The following GRIN2A variants were observed in gnomAD, a reference collection of about 807,000 sequenced individuals.
The protein encoded by GRIN2A is glutamate receptor ionotropic, NMDA 2A.
In GRIN2A, 22 loss-of-function variants were observed where a neutral mutation model predicts 113.4. The ratio of observed to expected loss-of-function variants is 0.19; its 90% CI spans 0.14 to 0.28. The LOEUF is 0.28. Among genes scored for constraint, GRIN2A ranks in the 10% least tolerant of loss-of-function variants. GRIN2A has a pLI of 1.00. For missense variants in GRIN2A, 1,502 were observed against 1,887.0 expected, an observed-to-expected ratio of 0.80 and a Z score of 3.78; for synonymous variants, 827 against 738.4, an observed-to-expected ratio of 1.12 and a Z score of -1.94.
chr16:10,084,999 T>C (rs961462648), intron 2 of GRIN2A, among the ~76,000 whole-genome samples: 4 of 152,218 alleles, frequency 2.6e-5, no homozygotes, highest in African/African-American at 9.6e-5. Context: ...GCCTTATGTA[T>C]ATTAACTCAT....
chr16:9,953,945 C>A (rs1461252862), intron 2 of GRIN2A, among the ~76,000 whole-genome samples: 2 of 152,068 alleles, frequency 1.3e-5, no homozygotes, highest in Non-Finnish European at 2.9e-5. Flanking sequence ...CCAACTGCCC[C>A]ATGCTTCTTC....
intron 2 of GRIN2A, among the ~76,000 whole-genome samples, chr16:10,157,646 T>C (rs998451339): frequency 3.3e-5 from 5 of 151,714 alleles, no homozygotes; most frequent in Admixed American, 2.0e-4. Flanking sequence ...TATAAAACTA[T>C]CAGATCTCAT....
chr16:9,913,537 G>T (rs1344668612), intron 3 of GRIN2A, among the ~76,000 whole-genome samples: 5 of 152,028 alleles, frequency 3.3e-5, no homozygotes, highest in African/African-American at 1.2e-4. Flanking sequence ...TTAAATTGAG[G>T]GTCCAACATC....
chr16:9,998,535 A>C (rs142600044), intron 2 of GRIN2A, among the ~76,000 whole-genome samples: 101 of 152,342 alleles, frequency 6.6e-4, no homozygotes, highest in African/African-American at 2.2e-3. Flanking sequence ...AAAATGGTTA[A>C]AATAGTAAAC....
Position 10,008,215 on chromosome 16 carries a change from C to T in GRIN2A, c.415-69664G>A, listed in dbSNP as rs74963073. Among the ~76,000 whole-genome samples the T allele has an allele frequency of 8.1e-3, 1,230 of 152,250 alleles. 11 individuals carry two copies. Among genetic ancestry groups the T allele is most frequent in the Non-Finnish European group, 0.013 (881 of 68,010 alleles). ...TCATGATCTTATGACAGTGCCTTCC[C>T]CAATCCCCTTATTTGGATATCCCAT... is the stretch of plus-strand genomic sequence containing the variant. On this transcript the variant is annotated intron_variant, in intron 2 of 12. Transcript: ENST00000330684.
At chr16:10,017,860 G>C (rs957600737) in intron 2 of GRIN2A, among the ~76,000 whole-genome samples, 3 of 151,992 alleles carry the variant, frequency 2.0e-5, no homozygotes, top group Non-Finnish European at 4.4e-5. Flanking sequence ...ATAAAGACAA[G>C]ATCCGACTGT....
chr16:9,772,958 T>C (rs564825405), intron 11 of GRIN2A, among the ~76,000 whole-genome samples: 1 of 150,174 alleles, frequency 6.7e-6, no homozygotes, highest in East Asian at 1.9e-4. Flanking sequence ...AAATGCACAT[T>C]TCTCATTACC....
At chr16:9,843,753 G>A (rs1049450614) in intron 5 of GRIN2A, among the ~76,000 whole-genome samples, 1 of 152,164 alleles carries the variant, frequency 6.6e-6, no homozygotes, top group Non-Finnish European at 1.5e-5. Context: ...GGTAGTAGGA[G>A]GCCACATCTG....
chr16:10,087,914 C>T (rs917640081), intron 2 of GRIN2A, among the ~76,000 whole-genome samples: 214 of 15,770 alleles, frequency 0.014, no homozygotes, highest in Admixed American at 0.07. Flanking sequence ...TGGTCTCGAA[C>T]TCTGGGCTCA....
At chr16:10,013,500 A>G (rs1294351339) in intron 2 of GRIN2A, among the ~76,000 whole-genome samples, 1 of 152,210 alleles carries the variant, frequency 6.6e-6, no homozygotes, top group African/African-American at 2.4e-5. Context: ...CCTGCGGGAC[A>G]GTAACTAGTG....
intron 2 of GRIN2A, among the ~76,000 whole-genome samples, chr16:10,015,273 A>AAAAAAAAAAC (rs2046586758): frequency 9.3e-6 from 1 of 107,168 alleles, no homozygotes; most frequent in Admixed American, 8.8e-5. Flanking sequence ...AAAAAAAAAG[A>AAAAAAAAAAC]AAAAAAAAAA....
At chr16:9,785,901 C>T (rs1440768769) in intron 11 of GRIN2A, among the ~76,000 whole-genome samples, 1 of 152,024 alleles carries the variant, frequency 6.6e-6, no homozygotes, top group Non-Finnish European at 1.5e-5. Flanking sequence ...TTTTTATATC[C>T]CACCACCTGG....
chr16:9,904,725 A>G (rs905222663), intron 3 of GRIN2A, among the ~76,000 whole-genome samples: 1 of 152,126 alleles, frequency 6.6e-6, no homozygotes, highest in African/African-American at 2.4e-5. Context: ...CACCCTCATG[A>G]CATCATCTAA....
rs74008837 is a variant in GRIN2A, at chr16:9,833,547, T to C, written c.1777+558A>G. ...CCTTCAAATCTGCTTTCCCAACAAA[T>C]TGAACATCAGTGGTTTTCACCTAAC... On this transcript the variant is annotated intron_variant, in intron 8 of 12. Transcript: ENST00000330684. Among the ~76,000 whole-genome samples, 827 of 152,328 alleles carry C rather than the reference T, an allele frequency of 5.4e-3. 8 individuals carry two copies. Among genetic ancestry groups the C allele is most frequent in the African/African-American group, 0.019 (775 of 41,578 alleles).
At chr16:9,915,234 C>T (rs1159624102) in intron 3 of GRIN2A, among the ~76,000 whole-genome samples, 1 of 151,850 alleles carries the variant, frequency 6.6e-6, no homozygotes, top group Non-Finnish European at 1.5e-5. Flanking sequence ...CCACTCCCGG[C>T]CAACTATACA....
At chr16:9,845,741 A>G (rs917396837) in intron 5 of GRIN2A, among the ~76,000 whole-genome samples, 11 of 152,100 alleles carry the variant, frequency 7.2e-5, no homozygotes, top group African/African-American at 2.4e-4. Context: ...CTCATCCTGT[A>G]TATATCACCT....
At chr16:9,827,759 G>T (rs942259374) in intron 9 of GRIN2A, among the ~76,000 whole-genome samples, 1 of 152,148 alleles carries the variant, frequency 6.6e-6, no homozygotes, top group Non-Finnish European at 1.5e-5. Flanking sequence ...GATCCAGGTG[G>T]GGTATGCACA....
At chr16:10,053,758 G>A (rs1001952951) in intron 2 of GRIN2A, among the ~76,000 whole-genome samples, 4 of 152,188 alleles carry the variant, frequency 2.6e-5, no homozygotes, top group Non-Finnish European at 4.4e-5. Context: ...AAAAGTAATC[G>A]TGGTTTGTAA....
At chr16:9,854,135 T>C (rs1384708739) in intron 4 of GRIN2A, among the ~76,000 whole-genome samples, 5 of 152,120 alleles carry the variant, frequency 3.3e-5, no homozygotes, top group African/African-American at 9.7e-5. Flanking sequence ...TGAATAAACA[T>C]ACAGCCTGTA....
Sources: gnomAD v4.1 joint callset for allele counts (sites outside exome capture counted in the v4.1 genomes callset) on GRCh38, gnomAD v4.1.1 for gene constraint, MANE v1.5 for transcripts, NCBI Gene and HGNC (gene_info 2026-07-23, HGNC 2026-07-21) for gene names.